Variants in CDAN1 observed in about 807,000 individuals in gnomAD.
The protein encoded by CDAN1 is codanin 1.
In CDAN1, 107 loss-of-function variants were observed where a neutral mutation model predicts 139.8. That is an observed-to-expected ratio of 0.77 (90% confidence interval 0.65 to 0.90). CDAN1 has a LOEUF of 0.90. Among genes scored for constraint, CDAN1 ranks in the 40% least tolerant of loss-of-function variants. CDAN1 has a pLI of 0.00. For synonymous variants in CDAN1, 776 were observed against 660.6 expected (o/e 1.17, Z -2.68); for missense variants, 1,667 against 1,575.7 (o/e 1.06, Z -0.98).
rs1356718880 is a variant in CDAN1, at chr15:42,728,666, C to T, written c.2790G>A (p.Leu930=). ...SQLCPHGAQA[L]ALGREFCQRK... ...GCGCTGCTTACTCCCGCCCCAGGGC[C>T]AATGCCTGGGCCCCGTGAGGGCACA... The change falls in exon 20 of 28, where the codon TTG becomes TTA. Residue 930 remains leucine (L), a synonymous_variant. Transcript: ENST00000356231. 3 of 1,613,998 alleles carry T rather than the reference C, an allele frequency of 1.9e-6. No individual in the cohort carries two copies. The highest frequency in any genetic ancestry group is 2.5e-6 in the Non-Finnish European group (3 of 1,180,054).
chr15:42,732,500 G>T, intron 9 of CDAN1, 92 bp from the exon 10 acceptor site: 2 of 1,194,938 alleles, frequency 1.7e-6, no homozygotes, highest in Non-Finnish European at 2.5e-6. Flanking sequence ...CTTCCCAGCC[G>T]TTTACCAGGG....
At chr15:42,731,426 G>A in intron 11 of CDAN1, 95 bp from the exon 12 acceptor site, 1 of 1,556,854 alleles carries the variant, frequency 6.4e-7, no homozygotes, top group Non-Finnish European at 8.8e-7. Flanking sequence ...GGAGCAGCAG[G>A]ACAGACAGGG....
chr15:42,728,128 C>G, intron 21 of CDAN1, 76 bp downstream of exon 21: 1 of 1,589,380 alleles, frequency 6.3e-7, no homozygotes, highest in Non-Finnish European at 8.6e-7. Flanking sequence ...CACACACCCT[C>G]CCGCAGCCTC....
At position 42,729,132 on chromosome 15, in the gene CDAN1, G is replaced by T; in HGVS notation, c.2542-6C>A. The T allele has an allele frequency of 6.2e-7, 1 of 1,614,094 alleles. No individual in the cohort carries two copies. Among genetic ancestry groups the T allele is most frequent in the Middle Eastern group, 1.6e-4 (1 of 6,062 alleles). ...AAGGCCTGGGCGAGCTGTGCCTGGG[G>T]GGAGGAGGGAGAGGCAGCAAGGCTT... On this transcript the variant is annotated splice_polypyrimidine_tract_variant and splice_region_variant and intron_variant, in intron 18 of 27. Coordinates refer to ENST00000356231, the MANE Select transcript of CDAN1 (RefSeq NM_138477.4).
chr15:42,735,023 A>G (rs2061668850), intron 6 of CDAN1, 77 bp downstream of exon 6: 4 of 977,338 alleles, frequency 4.1e-6, no homozygotes, highest in Middle Eastern at 2.0e-4. Context: ...GTTAAGCACC[A>G]GCATATATCC....
chr15:42,726,342 C>T lies in CDAN1; in HGVS notation c.3172G>A (p.Gly1058Ser). ...VSPEHLEQLL[G>S]QLGQTLRCRQ... ...CACCGCAGCGTCTGGCCCAGCTGGC[C>T]TAGGAGCTGTTCCAGATGCTCTGGG... The change falls in exon 24 of 28, where the codon GGC (glycine) becomes AGC (serine). Residue 1058 changes from glycine (G) to serine (S), a missense_variant. Physicochemically the swap from Gly to Ser is moderately conservative, Grantham distance 56. Coordinates refer to ENST00000356231, the MANE Select transcript of CDAN1 (RefSeq NM_138477.4). The T allele has an allele frequency of 5.6e-6, 9 of 1,594,322 alleles. No homozygotes were observed. The highest frequency in any genetic ancestry group is 7.7e-6 in the Non-Finnish European group (9 of 1,170,638).
intron 17 of CDAN1, 98 bp from the exon 18 acceptor site, chr15:42,729,460 G>A: frequency 6.3e-7 from 1 of 1,598,590 alleles, no homozygotes; most frequent in Non-Finnish European, 8.6e-7. Context: ...AGATACCCAG[G>A]AATGACTATG....
rs766492829 is a variant in CDAN1, at chr15:42,728,714, C to A, written c.2742G>T (p.Leu914=). The change falls in exon 20 of 28, where the codon CTG becomes CTT. Residue 914 remains leucine (L), a synonymous_variant. Coordinates refer to ENST00000356231, the MANE Select transcript of CDAN1 (RefSeq NM_138477.4). Reference sequence around the variant, plus strand: ...ACAGCTGGGAACACAAGATCTCCAACAGCTGGGCTGGGTCTCCCCCTTCCT... The same window carrying A: ...ACAGCTGGGAACACAAGATCTCCAAAAGCTGGGCTGGGTCTCCCCCTTCCT... ...QGEEGGDPAQ[L]LEILCSQLCP... 32 of 1,614,118 alleles carry A rather than the reference C, an allele frequency of 2.0e-5. No homozygotes were observed. The highest frequency in any genetic ancestry group is 1.7e-4 in the Admixed American group (10 of 60,016).
At position 42,729,006 on chromosome 15, in the gene CDAN1, C is replaced by A; in HGVS notation, c.2645+17G>T. On this transcript the variant is annotated intron_variant, in intron 19 of 27. Coordinates refer to ENST00000356231, the MANE Select transcript of CDAN1 (RefSeq NM_138477.4). Reference sequence around the variant, plus strand: ...AATGGTAGGGCGATGAGACCAGGATCCTTAACCCACTCTTACTTGATATGT... The same window carrying A: ...AATGGTAGGGCGATGAGACCAGGATACTTAACCCACTCTTACTTGATATGT... The A allele has an allele frequency of 6.2e-7, 1 of 1,611,912 alleles. No homozygotes were observed. Among genetic ancestry groups the A allele is most frequent in the Non-Finnish European group, 8.5e-7 (1 of 1,177,968 alleles).
In CDAN1 at chr15:42,725,617, C is replaced by G; in HGVS notation, c.3322G>C (p.Gly1108Arg). 1.2e-6 allele frequency: 2 copies of G among 1,614,148 alleles called. No homozygotes were observed. The highest frequency in any genetic ancestry group is 2.7e-5 in the African/African-American group (2 of 75,028). The stretch of plus-strand genomic sequence containing the variant: ...ATGTGCAGAAGCCTTCGAGCCTGCC[C>G]TCTCTCCAGCCTGTACTGTGCCGGG... ...GPPAQYRLER[G>R]QARRLLHMLL... Residue 1108 changes from glycine to arginine, a missense_variant, in exon 26 of 28, where the codon GGG becomes CGG. Gly to Arg is a moderately radical substitution (Grantham distance 125). Around this residue, in one of 3 missense-constraint regions of CDAN1, gnomAD observed 936 missense variants for 844.1 expected, o/e 1.11. Coordinates refer to ENST00000356231, the MANE Select transcript of CDAN1 (RefSeq NM_138477.4).
intron 1 of CDAN1, 77 bp from the exon 2 acceptor site, chr15:42,736,857 G>T: frequency 2.1e-6 from 3 of 1,451,614 alleles, no homozygotes; most frequent in Non-Finnish European, 2.7e-6. Context: ...GGGCCGTAGG[G>T]CGCGCCTCGG....
At chr15:42,732,716 C>T (rs769130011) in intron 9 of CDAN1, among the ~76,000 whole-genome samples, 3 of 152,122 alleles carry the variant, frequency 2.0e-5, no homozygotes, top group East Asian at 3.9e-4. Context: ...CTGAGGTTCG[C>T]GTTCTGAGCC....
At chr15:42,729,738 C>T in intron 16 of CDAN1, 58 bp downstream of exon 16, 1 of 1,585,324 alleles carries the variant, frequency 6.3e-7, no homozygotes, top group Non-Finnish European at 8.7e-7. Context: ...CCTCCCCAGG[C>T]AGCCCACTTC....
intron 19 of CDAN1, 94 bp from the exon 20 acceptor site, chr15:42,728,904 A>T: frequency 1.3e-6 from 2 of 1,595,724 alleles, no homozygotes; most frequent in Non-Finnish European, 1.7e-6. Flanking sequence ...TTGCTTCAAA[A>T]TGTGTCAGCC....
intron 23 of CDAN1, chr15:42,727,089 T>C (rs1436111230): frequency 6.4e-6 from 1 of 155,128 alleles, no homozygotes; most frequent in Non-Finnish European, 1.4e-5. Flanking sequence ...CAAATTAATA[T>C]GGCTGCATTC....
chr15:42,728,378 A>T lies in CDAN1; in HGVS notation c.2805-111T>A, dbSNP rs1478052259. The T allele has an allele frequency of 3.1e-6, 4 of 1,294,456 alleles. No homozygotes were observed. The African/African-American group carries it at 5.8e-5, about 19-fold the overall frequency. 80.2% of individuals were successfully genotyped at this position (1,294,456 alleles called of 1,614,324 possible). A position where few individuals can be genotyped will look rare whatever the true frequency, so the allele number is the denominator to read the frequency against. On this transcript the variant is annotated intron_variant, in intron 20 of 27. Transcript: ENST00000356231. ...ACCTGGGAGGCTGTACCTTGGAAGG[A>T]GGCACCGTTTGCCCTCCCGCCCCAC...
Position 42,735,691 on chromosome 15 carries a change from A to G in CDAN1, c.774-12T>C, listed in dbSNP as rs368595516. On this transcript the variant is annotated splice_polypyrimidine_tract_variant and intron_variant, in intron 3 of 27. Transcript: ENST00000356231. ...GCAGCTGCTTAGAGCTATGGAATAA[A>G]GAAATTTCATGAGCAGTCAGCTTGG... 3.7e-6 allele frequency: 6 copies of G among 1,613,706 alleles called. No homozygotes were observed. The highest frequency in any genetic ancestry group is 1.3e-5 in the African/African-American group (1 of 74,920).
chr15:42,730,696 G>A lies in CDAN1; in HGVS notation c.2076C>T (p.Thr692=), dbSNP rs143566164. ...AGAGAAACTCCACCAGCCAGGGCAC[G>A]GTGAGCACCGCCCGGCGGGCCTGCA... is the stretch of plus-strand genomic sequence containing the variant. ...RGLQARRAVL[T]VPWLVEFLSF... Residue 692 remains threonine (T), a synonymous_variant, in exon 14 of 28, where the codon ACC becomes ACT. Coordinates refer to ENST00000356231, the MANE Select transcript of CDAN1 (RefSeq NM_138477.4). 1.3e-4 allele frequency: 209 copies of A among 1,613,868 alleles called. No homozygotes were observed. The highest frequency in any genetic ancestry group is 1.0e-3 in the African/African-American group (76 of 75,058).
rs775877712 is a variant in CDAN1, at chr15:42,729,846, C to T, written c.2302G>A (p.Gly768Ser). 6.2e-7 allele frequency: 1 copy of T among 1,613,930 alleles called. No homozygotes were observed. The highest frequency in any genetic ancestry group is 1.7e-5 in the Admixed American group (1 of 60,016). Residue 768 changes from glycine (G) to serine (S), a missense_variant, in exon 16 of 28, where the codon GGT becomes AGT. Gly to Ser is a moderately conservative substitution (Grantham distance 56, BLOSUM62 0). Around this residue, in one of 3 missense-constraint regions of CDAN1, gnomAD observed 936 missense variants for 844.1 expected, o/e 1.11. Transcript: ENST00000356231. ...TCCACCTCAAAGGCATATGAGGGAC[C>T]CTCTTCCAGAAAGAACAAGTCCTCA... ...VPEDLFFLEE[G>S]PSYAFEVDTV...
Sources: gnomAD v4.1 joint callset for allele counts (sites outside exome capture counted in the v4.1 genomes callset) on GRCh38, gnomAD v4.1.1 for gene constraint, gnomAD v4.1.1 regional missense constraint, MANE v1.5 for transcripts, NCBI Gene and HGNC (gene_info 2026-07-23, HGNC 2026-07-21) for gene names.